The following CLIP1 variants were observed in gnomAD, a reference collection of about 807,000 sequenced individuals.
CLIP1 encodes CAP-Gly domain-containing linker protein 1.
Under a neutral mutation model 161.6 loss-of-function variants are expected in CLIP1, and 66 were observed. That is an observed-to-expected ratio of 0.41 (90% CI 0.33 to 0.50). The LOEUF is 0.50. CLIP1 is among the 20% of genes least tolerant of loss of function. CLIP1 has a pLI of 0.27. For missense variants in CLIP1, 1,376 were observed against 1,702.0 expected (o/e 0.81, Z 3.37); for synonymous variants, 598 against 626.2 (o/e 0.96, Z 0.67).
intron 21 of CLIP1, among the ~76,000 whole-genome samples, chr12:122,285,579 T>C (rs947400353): frequency 2.0e-5 from 3 of 151,764 alleles, no homozygotes; most frequent in Non-Finnish European, 4.4e-5. Context: ...CCTCAAGTGA[T>C]CCACCTGCCT....
intron 20 of CLIP1, among the ~76,000 whole-genome samples, chr12:122,293,656 T>G (rs1950344092): frequency 6.6e-6 from 1 of 151,714 alleles, no homozygotes; most frequent in South Asian, 2.1e-4. Context: ...TTTTCTATTT[T>G]TAGTAGAGAC....
intron 1 of CLIP1, among the ~76,000 whole-genome samples, chr12:122,412,259 T>C (rs1479227037): frequency 6.6e-6 from 1 of 151,076 alleles, no homozygotes; most frequent in East Asian, 2.0e-4. Flanking sequence ...AAATGGAGTT[T>C]TGCCATGTTG....
intron 1 of CLIP1, among the ~76,000 whole-genome samples, chr12:122,390,265 C>CATATATAT (rs1955569408): frequency 1.2e-5 from 1 of 83,136 alleles, no homozygotes; most frequent in Non-Finnish European, 2.5e-5. Context: ...TATATACACA[C>CATATATAT]ACATATATAT....
rs1015653778 is a variant in CLIP1 at position 122,272,014 on chromosome 12, G to T, written c.*861C>A. 5 of 152,612 alleles carry T rather than the reference G, an allele frequency of 3.3e-5. No homozygotes were observed. The East Asian group carries it at 9.6e-4, about 29-fold the overall frequency. 9.5% of individuals were successfully genotyped at this position (152,612 alleles called of 1,614,324 possible). A position where few individuals can be genotyped will look rare whatever the true frequency, so the allele number is the denominator to read the frequency against. ...AAAGGAAAACAAACAAATGAAAATG[G>T]TTGCAAAGCCACAAGATGCTATGTC... is the stretch of plus-strand genomic sequence containing the variant. On this transcript the variant is annotated 3_prime_UTR_variant, in exon 26 of 26. Transcript: ENST00000620786.
In CLIP1 at chr12:122,355,430, G is replaced by T. The variant is rs1953289067; in HGVS notation, c.1006-118C>A. On this transcript the variant is annotated intron_variant, in intron 5 of 25. Coordinates refer to ENST00000620786, the MANE Select transcript of CLIP1 (RefSeq NM_001247997.2). The surrounding 1 kb of genome is among the most constrained non-coding windows in gnomAD (Gnocchi z 4.1). The stretch of plus-strand genomic sequence containing the variant: ...AGCAAGGGCGCTGCTCCAGCTGGCA[G>T]GCTGGCCAGGATTAGGAAAGGCTTC... 1.2e-6 allele frequency: 1 copy of T among 831,304 alleles called. No homozygotes were observed. The highest frequency in any genetic ancestry group is 1.9e-6 in the Non-Finnish European group (1 of 521,930). 51.5% of individuals were successfully genotyped at this position (831,304 alleles called of 1,614,324 possible).
At chr12:122,375,582 G>T (rs1593193795) in intron 3 of CLIP1, among the ~76,000 whole-genome samples, 2 of 152,194 alleles carry the variant, frequency 1.3e-5, no homozygotes, top group South Asian at 4.1e-4. Context: ...CTCCAAAACT[G>T]CTGGTATTAT....
At chr12:122,353,468 A>T (rs1356029878) in intron 7 of CLIP1, among the ~76,000 whole-genome samples, 1 of 152,138 alleles carries the variant, frequency 6.6e-6, no homozygotes, top group East Asian at 1.9e-4. Flanking sequence ...TACAAAAATT[A>T]GCCAGGCATG....
At chr12:122,403,076 A>G (rs947097567) in intron 1 of CLIP1, among the ~76,000 whole-genome samples, 2 of 152,152 alleles carry the variant, frequency 1.3e-5, no homozygotes, top group African/African-American at 4.8e-5. Context: ...TAACAAGCAG[A>G]TAATACCCCA....
At chr12:122,349,005 T>A (rs183630025) in intron 9 of CLIP1, among the ~76,000 whole-genome samples, 16 of 152,312 alleles carry the variant, frequency 1.1e-4, no homozygotes, top group East Asian at 1.9e-4. Flanking sequence ...AAATTTTTTT[T>A]AATTCATCAC....
chr12:122,370,365 T>C (rs1047915413), intron 3 of CLIP1, among the ~76,000 whole-genome samples: 45 of 152,164 alleles, frequency 3.0e-4, no homozygotes, highest in African/African-American at 1.1e-3. Context: ...TCACGATGTG[T>C]TGGTCTTCGT....
rs58044975 is a variant in CLIP1 at position 122,355,961 on chromosome 12, G to A, written c.1006-649C>T. ...TGCAGTCAGAGCTGCTGCAGCTGTC[G>A]CCTGAAAGCTCTTCTCTTCATCGGT... On this transcript the variant is annotated intron_variant, in intron 5 of 25. Transcript: ENST00000620786. The surrounding 1 kb of genome is among the most constrained non-coding windows in gnomAD (Gnocchi z 4.1). The A allele has an allele frequency of 0.051, 7,820 of 152,302 alleles. 517 individuals carry two copies. Among genetic ancestry groups the A allele is most frequent in the African/African-American group, 0.16 (6,479 of 41,530 alleles). The allele number at this position is 152,302 out of a possible 1,614,324, so 9.4% of individuals were successfully genotyped here. A position where few individuals can be genotyped will look rare whatever the true frequency, so the allele number is the denominator to read the frequency against.
chr12:122,360,997 C>A lies in CLIP1; in HGVS notation c.967G>T (p.Ala323Ser), dbSNP rs529566365. 1.9e-5 allele frequency: 31 copies of A among 1,613,860 alleles called. No homozygotes were observed. The Admixed American group carries it at 2.0e-4, about 10-fold the overall frequency. Residue 323 changes from alanine (A) to serine (S), a missense_variant, in exon 5 of 26, where the codon GCC (alanine) becomes TCC (serine). By Grantham distance (99) the Ala-to-Ser change is moderately conservative. Around this residue, in one of 6 missense-constraint regions of CLIP1, gnomAD observed 211 missense variants for 295.1 expected, o/e 0.72. Coordinates refer to ENST00000620786, the MANE Select transcript of CLIP1 (RefSeq NM_001247997.2). Reference sequence around the variant, plus strand: ...CTGGGCCTGCTGCTCACAGAGGAGGCCACTGAGCTCATGGAGCTGAGGGAA... The same window carrying A: ...CTGGGCCTGCTGCTCACAGAGGAGGACACTGAGCTCATGGAGCTGAGGGAA... ...ASSLSSMSSV[A>S]SSVSSRPSRT...
intron 1 of CLIP1, among the ~76,000 whole-genome samples, chr12:122,386,629 C>T (rs990808333): frequency 5.3e-5 from 8 of 152,024 alleles, no homozygotes; most frequent in Admixed American, 3.3e-4. Flanking sequence ...TATAAATACA[C>T]GGTTATTTTT....
intron 1 of CLIP1, among the ~76,000 whole-genome samples, chr12:122,385,754 G>C (rs2136901044): frequency 6.6e-6 from 1 of 152,280 alleles, no homozygotes; most frequent in South Asian, 2.1e-4. Flanking sequence ...AATGTTTGAA[G>C]GATGGAGAAA....
intron 1 of CLIP1, among the ~76,000 whole-genome samples, chr12:122,398,731 G>A (rs967823726): frequency 5.1e-4 from 77 of 151,518 alleles, no homozygotes; most frequent in Admixed American, 3.6e-3. Context: ...TTAATTAGCC[G>A]GGCATGGTGG....
intron 1 of CLIP1, among the ~76,000 whole-genome samples, chr12:122,390,195 AT>A (rs1566213848): frequency 5.3e-5 from 7 of 133,280 alleles, no homozygotes; most frequent in South Asian, 2.3e-4. Context: ...ATATATATAT[AT>A]AATATATATA....
At position 122,341,167 on chromosome 12, in the gene CLIP1, A is replaced by T; in HGVS notation, c.2037T>A (p.Asn679Lys). Residue 679 changes from asparagine (N) to lysine (K), a missense_variant, in exon 11 of 26, where the codon AAT (asparagine) becomes AAA (lysine). Physicochemically the swap from Asn to Lys is moderately conservative, Grantham distance 94 (BLOSUM62 0). Coordinates refer to ENST00000620786, the MANE Select transcript of CLIP1 (RefSeq NM_001247997.2). ...GGGCAGCCCGTTCAGAGTCTTGTTG[A>T]TTCTGCAAATTTTCTATTTCGTGTT... ...DYQHEIENLQ[N>K]QQDSERAAHA... The T allele has an allele frequency of 6.2e-7, 1 of 1,613,922 alleles. No individual in the cohort carries two copies. The highest frequency in any genetic ancestry group is 8.5e-7 in the Non-Finnish European group (1 of 1,179,998).
At chr12:122,347,513 C>T in intron 9 of CLIP1, 34 bp from the exon 10 acceptor site, 1 of 1,514,840 alleles carries the variant, frequency 6.6e-7, no homozygotes, top group Non-Finnish European at 9.2e-7. Context: ...GAGAACACAA[C>T]AGTGCCACCA....
chr12:122,391,198 G>C (rs1187961491), intron 1 of CLIP1, among the ~76,000 whole-genome samples: 1 of 151,762 alleles, frequency 6.6e-6, no homozygotes, highest in Non-Finnish European at 1.5e-5. Flanking sequence ...TGAGGCAGGA[G>C]GAATGCTTGA....
Sources: gnomAD v4.1 joint callset for allele counts (sites outside exome capture counted in the v4.1 genomes callset) on GRCh38, gnomAD v4.1.1 for gene constraint, gnomAD v4.1.1 regional missense constraint, Gnocchi (gnomAD v3.1) non-coding constraint, MANE v1.5 for transcripts, NCBI Gene and HGNC (gene_info 2026-07-23, HGNC 2026-07-21) for gene names.